NEGR1: variants seen among roughly 807,000 people sequenced by gnomAD.
The protein encoded by NEGR1 is IgLON family member 4.
NEGR1 carries 10 observed loss-of-function variants against 40.9 expected under a neutral mutation model. That is an observed-to-expected ratio of 0.24 (90% confidence interval 0.15 to 0.42). The LOEUF (loss-of-function observed/expected upper bound fraction) is 0.42. NEGR1 is among the 10% of genes least tolerant of loss of function. NEGR1 has a pLI of 1.00. For synonymous variants in NEGR1, 185 were observed against 166.8 expected (o/e 1.11, Z -0.84); for missense variants, 352 against 438.9 (o/e 0.80, Z 1.77).
intron 6 of NEGR1, among the ~76,000 whole-genome samples, chr1:71,531,654 T>C (rs1020380276): frequency 6.6e-6 from 1 of 151,272 alleles, no homozygotes; most frequent in African/African-American, 2.4e-5. Flanking sequence ...CCCTGTAAAA[T>C]GGGAAACTGT....
chr1:71,799,046 GTTTT>G (rs202070801), intron 2 of NEGR1, among the ~76,000 whole-genome samples: 19 of 143,906 alleles, frequency 1.3e-4, no homozygotes, highest in Non-Finnish European at 1.5e-5. Flanking sequence ...ATTGAATGGT[GTTTT>G]TTTTTTTTTA....
chr1:72,013,691 T>C (rs532016094), intron 1 of NEGR1, among the ~76,000 whole-genome samples: 64 of 152,174 alleles, frequency 4.2e-4, no homozygotes, highest in Non-Finnish European at 7.7e-4. Flanking sequence ...CTGATGCTTA[T>C]GAGCACTTCT....
intron 1 of NEGR1, among the ~76,000 whole-genome samples, chr1:72,227,344 G>A (rs577621853): frequency 6.6e-6 from 1 of 152,154 alleles, no homozygotes; most frequent in South Asian, 2.1e-4. Flanking sequence ...TCTAGGGTGG[G>A]AAGTGCTTGC....
At chr1:71,682,776 G>A (rs1450479141) in intron 4 of NEGR1, among the ~76,000 whole-genome samples, 4 of 152,166 alleles carry the variant, frequency 2.6e-5, no homozygotes, top group African/African-American at 7.2e-5. Context: ...CTTTCATGAA[G>A]GGCTTGGTAC....
intron 1 of NEGR1, among the ~76,000 whole-genome samples, chr1:72,007,900 C>A (rs1040337651): frequency 6.6e-6 from 1 of 151,912 alleles, no homozygotes; most frequent in African/African-American, 2.4e-5. Flanking sequence ...TCAAGTTAGC[C>A]ATTTTATGGC....
rs910694132 is a variant in NEGR1, at chr1:71,776,659, G to A, written c.410-362C>T. On this transcript the variant is annotated intron_variant, in intron 2 of 6. Transcript: ENST00000357731. ...TGTATGATGTTTTCCTTGTTGAAATGGTTAAAAAAGAGGAAATACAGAAGA... is the reference window on the plus strand; with the variant it reads ...TGTATGATGTTTTCCTTGTTGAAATAGTTAAAAAAGAGGAAATACAGAAGA... 2.6e-5 allele frequency among the ~76,000 whole-genome samples: 4 copies of A among 152,028 alleles called. No individual in the cohort carries two copies. The East Asian group carries it at 7.7e-4, about 29-fold the overall frequency.
intron 3 of NEGR1, among the ~76,000 whole-genome samples, chr1:71,744,979 A>C (rs1466977948): frequency 6.6e-6 from 1 of 152,170 alleles, no homozygotes; most frequent in Non-Finnish European, 1.5e-5. Context: ...TTTGAGTGTT[A>C]TTATTATTTG....
At position 71,928,435 on chromosome 1, in the gene NEGR1, TAC is replaced by T. The variant is rs1338689838; in HGVS notation, c.409+6642_409+6643del. Among the ~76,000 whole-genome samples, 13 of 80,118 alleles carry T rather than the reference TAC, an allele frequency of 1.6e-4. 2 individuals carry two copies. Among genetic ancestry groups the T allele is most frequent in the Non-Finnish European group, 2.7e-4 (11 of 40,076 alleles). 52.6% of individuals were successfully genotyped at this position (80,118 alleles called of 152,430 possible). On this transcript the variant is annotated intron_variant, in intron 2 of 6. Transcript: ENST00000357731. Reference sequence around the variant, plus strand: ...GTATATATACACACATATGTATATATACACATATATATGTATATATACACACA... The same window carrying T: ...GTATATATACACACATATGTATATATACATATATATGTATATATACACACA...
At chr1:71,945,576 T>G (rs1646010645) in intron 1 of NEGR1, among the ~76,000 whole-genome samples, 1 of 151,866 alleles carries the variant, frequency 6.6e-6, no homozygotes, top group South Asian at 2.1e-4. Flanking sequence ...CTTCATTCAT[T>G]TACTCCCCTT....
chr1:71,675,279 A>T (rs1425112283), intron 4 of NEGR1, among the ~76,000 whole-genome samples: 1 of 150,424 alleles, frequency 6.6e-6, no homozygotes, highest in East Asian at 2.0e-4. Flanking sequence ...TAGACCTACT[A>T]CTCACTTTGC....
At chr1:72,024,288 A>G (rs1008751170) in intron 1 of NEGR1, among the ~76,000 whole-genome samples, 3 of 152,008 alleles carry the variant, frequency 2.0e-5, no homozygotes, top group Admixed American at 6.6e-5. Flanking sequence ...AAAGTCTATA[A>G]TATATATGTT....
At chr1:72,095,279 GA>G (rs1449423569) in intron 1 of NEGR1, among the ~76,000 whole-genome samples, 1 of 151,928 alleles carries the variant, frequency 6.6e-6, no homozygotes, top group Non-Finnish European at 1.5e-5. Context: ...ATATTACTTT[GA>G]AAATCTAAAA....
At chr1:71,492,060 A>T (rs1487657709) in intron 6 of NEGR1, among the ~76,000 whole-genome samples, 6 of 152,108 alleles carry the variant, frequency 3.9e-5, no homozygotes, top group Admixed American at 3.9e-4. Context: ...CCATCTTGGA[A>T]GCAGCAATGA....
intron 1 of NEGR1, among the ~76,000 whole-genome samples, chr1:72,170,936 T>C (rs1273305290): frequency 1.3e-5 from 2 of 152,162 alleles, no homozygotes; most frequent in Non-Finnish European, 2.9e-5. Context: ...TCCTGGGCTT[T>C]GACCTTCATA....
At chr1:71,741,557 G>T (rs1655213698) in intron 3 of NEGR1, among the ~76,000 whole-genome samples, 1 of 152,064 alleles carries the variant, frequency 6.6e-6, no homozygotes, top group African/African-American at 2.4e-5. Flanking sequence ...TTTTGCTATG[G>T]ATTAAATGTT....
At chr1:71,983,202 G>A (rs973114624) in intron 1 of NEGR1, among the ~76,000 whole-genome samples, 3 of 151,992 alleles carry the variant, frequency 2.0e-5, no homozygotes, top group African/African-American at 7.2e-5. Flanking sequence ...TAAAAACTAA[G>A]AAAAATGCTG....
intron 3 of NEGR1, among the ~76,000 whole-genome samples, chr1:71,740,221 C>T (rs867254407): frequency 2.0e-5 from 3 of 152,160 alleles, no homozygotes; most frequent in Non-Finnish European, 2.9e-5. Context: ...TTTTGTTCTA[C>T]GTCACAACCA....
chr1:72,150,681 C>G (rs1259547493), intron 1 of NEGR1, among the ~76,000 whole-genome samples: 1 of 152,096 alleles, frequency 6.6e-6, no homozygotes, highest in African/African-American at 2.4e-5. Context: ...TCTGTAGCCA[C>G]ACTGACCAGA....
chr1:71,721,382 A>G (rs1450249764), intron 3 of NEGR1, among the ~76,000 whole-genome samples: 1 of 152,126 alleles, frequency 6.6e-6, no homozygotes, highest in Non-Finnish European at 1.5e-5. Flanking sequence ...GTAAATATAA[A>G]CTGAATGACA....
Sources: gnomAD v4.1 joint callset for allele counts (sites outside exome capture counted in the v4.1 genomes callset) on GRCh38, gnomAD v4.1.1 for gene constraint, MANE v1.5 for transcripts, NCBI Gene and HGNC (gene_info 2026-07-23, HGNC 2026-07-21) for gene names.